Variants in NXPH1 observed in about 807,000 individuals in gnomAD.
NXPH1 encodes neurexophilin-1.
In NXPH1, 5 loss-of-function variants were observed where a neutral mutation model predicts 23.7. The observed-to-expected ratio is 0.21, with a 90% confidence interval of 0.11 to 0.44. The LOEUF (loss-of-function observed/expected upper bound fraction) is 0.44. NXPH1 is among the 20% of genes least tolerant of loss of function. The pLI is 0.99. For missense variants in NXPH1, 324 were observed against 321.6 expected (o/e 1.01, Z -0.06); for synonymous variants, 144 against 122.2 (o/e 1.18, Z -1.18).
In NXPH1 at chr7:8,676,047, T is replaced by C. The variant is rs1192825078; in HGVS notation, c.55-74961T>C. The stretch of plus-strand genomic sequence containing the variant: ...GCAAGCAGAGTCTGGATGTTTTTCT[T>C]AACAATTTAACCATAGTCAGTGCCA... On this transcript the variant is annotated intron_variant, in intron 2 of 2. Transcript: ENST00000405863. Among the ~76,000 whole-genome samples, 4 of 152,130 alleles carry C rather than the reference T, an allele frequency of 2.6e-5. No homozygotes were observed. The East Asian group carries it at 7.7e-4, about 29-fold the overall frequency.
At chr7:8,511,584 A>G (rs1817612807) in intron 2 of NXPH1, among the ~76,000 whole-genome samples, 1 of 152,092 alleles carries the variant, frequency 6.6e-6, no homozygotes, top group South Asian at 2.1e-4. Flanking sequence ...AGTAGAACAA[A>G]AGAAGAAGCT....
chr7:8,591,692 A>T (rs534336097), intron 2 of NXPH1, among the ~76,000 whole-genome samples: 1 of 152,104 alleles, frequency 6.6e-6, no homozygotes, highest in Admixed American at 6.6e-5. Context: ...AACATATAGA[A>T]GTTTTATTTC....
Position 8,469,382 on chromosome 7 carries a change from G to A in NXPH1, c.54+33615G>A, listed in dbSNP as rs75354988. ...AACACATTTTTATTGAGTATTTACC[G>A]CCAAACACTGTGCTGGATGATTTAG... On this transcript the variant is annotated intron_variant, in intron 2 of 2. Coordinates refer to ENST00000405863, the MANE Select transcript of NXPH1 (RefSeq NM_152745.3). 3.4e-4 allele frequency among the ~76,000 whole-genome samples: 52 copies of A among 151,888 alleles called. No individual in the cohort carries two copies. In the Middle Eastern group the frequency reaches 0.02, roughly 60 times the overall value.
chr7:8,662,213 CAT>C (rs1050404676), intron 2 of NXPH1, among the ~76,000 whole-genome samples: 52 of 151,066 alleles, frequency 3.4e-4, no homozygotes, highest in African/African-American at 1.1e-3. Context: ...TATACACACA[CAT>C]GTATCTCAAG....
At chr7:8,451,639 A>G (rs977259303) in intron 2 of NXPH1, among the ~76,000 whole-genome samples, 2 of 152,238 alleles carry the variant, frequency 1.3e-5, no homozygotes, top group Non-Finnish European at 2.9e-5. Context: ...CCAAGGCCAT[A>G]CAACTATGGT....
rs189281712 is a variant in NXPH1 at position 8,539,576 on chromosome 7, C to A, written c.54+103809C>A. ...TTTCACAGTGGTTGCAGAACTACAA[C>A]CCTCACATATTATGTATAAGGATGT... is the stretch of plus-strand genomic sequence containing the variant. On this transcript the variant is annotated intron_variant, in intron 2 of 2. Coordinates refer to ENST00000405863, the MANE Select transcript of NXPH1 (RefSeq NM_152745.3). 1.6e-3 allele frequency among the ~76,000 whole-genome samples: 248 copies of A among 151,828 alleles called. 1 individual carries two copies. Among genetic ancestry groups the A allele is most frequent in the Non-Finnish European group, 3.1e-3 (211 of 67,826 alleles).
chr7:8,635,913 A>G (rs1562437815), intron 2 of NXPH1, among the ~76,000 whole-genome samples: 1 of 152,182 alleles, frequency 6.6e-6, no homozygotes, highest in Non-Finnish European at 1.5e-5. Flanking sequence ...TCCTATTTAT[A>G]GAAAAAAAGT....
chr7:8,746,982 T>C (rs1403298943), intron 2 of NXPH1, among the ~76,000 whole-genome samples: 2 of 152,160 alleles, frequency 1.3e-5, no homozygotes, highest in African/African-American at 4.8e-5. Context: ...AAATATTATG[T>C]AGTGAGATTC....
At chr7:8,642,598 G>A (rs1487888605) in intron 2 of NXPH1, among the ~76,000 whole-genome samples, 3 of 151,702 alleles carry the variant, frequency 2.0e-5, no homozygotes, top group Non-Finnish European at 4.4e-5. Flanking sequence ...CATCTGTCTG[G>A]ATTTTGTTAT....
chr7:8,516,779 TCC>T (rs1283585807), intron 2 of NXPH1, among the ~76,000 whole-genome samples: 1 of 152,076 alleles, frequency 6.6e-6, no homozygotes, highest in Non-Finnish European at 1.5e-5. Flanking sequence ...TGTTACTTAT[TCC>T]CACTCAAACA....
intron 2 of NXPH1, among the ~76,000 whole-genome samples, chr7:8,468,211 A>T (rs1816815403): frequency 6.6e-6 from 1 of 152,104 alleles, no homozygotes; most frequent in Non-Finnish European, 1.5e-5. Context: ...TAAATCTAGA[A>T]CTTGGCTAGA....
intron 2 of NXPH1, among the ~76,000 whole-genome samples, chr7:8,692,066 G>A (rs1436844218): frequency 6.6e-6 from 1 of 151,882 alleles, no homozygotes; most frequent in Non-Finnish European, 1.5e-5. Flanking sequence ...CAGGTTCTAG[G>A]CACCAGAAGA....
Position 8,751,154 on chromosome 7 carries a change from G to A in NXPH1, c.201G>A (p.Glu67=), listed in dbSNP as rs753908270. Residue 67 remains glutamate (E), a synonymous_variant, in exon 3 of 3, where the codon GAG becomes GAA. Coordinates refer to ENST00000405863, the MANE Select transcript of NXPH1 (RefSeq NM_152745.3). The surrounding 1 kb of genome is among the most constrained non-coding windows in gnomAD (Gnocchi z 4.5). ...RLLSQTFRGK[E]NDTDLDLRYD... ...TGTCACAGACTTTTCGTGGCAAAGAGAATGATACAGATTTGGACCTGAGAT... is the reference window on the plus strand; with the variant it reads ...TGTCACAGACTTTTCGTGGCAAAGAAAATGATACAGATTTGGACCTGAGAT... 3.7e-6 allele frequency: 6 copies of A among 1,613,836 alleles called. No homozygotes were observed. The highest frequency in any genetic ancestry group is 4.2e-6 in the Non-Finnish European group (5 of 1,179,798).
At chr7:8,623,469 C>T (rs977500079) in intron 2 of NXPH1, among the ~76,000 whole-genome samples, 30 of 151,960 alleles carry the variant, frequency 2.0e-4, no homozygotes, top group African/African-American at 6.8e-4. Context: ...AAACTAAATA[C>T]TTGAGAGAAA....
chr7:8,640,783 C>T (rs1027944766), intron 2 of NXPH1, among the ~76,000 whole-genome samples: 31 of 151,952 alleles, frequency 2.0e-4, no homozygotes, highest in African/African-American at 7.3e-4. Context: ...ATAGGGAGAC[C>T]TCATGACTAC....
intron 2 of NXPH1, among the ~76,000 whole-genome samples, chr7:8,514,305 G>C (rs1413909538): frequency 1.3e-5 from 2 of 152,132 alleles, no homozygotes; most frequent in East Asian, 3.9e-4. Context: ...CTCTCTCTCC[G>C]ACATTTTTAA....
intron 2 of NXPH1, among the ~76,000 whole-genome samples, chr7:8,557,512 AC>A (rs201330818): frequency 0.011 from 1,609 of 151,522 alleles, 20 homozygotes; most frequent in Non-Finnish European, 0.015. Flanking sequence ...TGACCCCTCC[AC>A]TCAGGGTCTG....
intron 2 of NXPH1, among the ~76,000 whole-genome samples, chr7:8,465,990 G>C (rs1816781005): frequency 6.6e-6 from 1 of 152,152 alleles, no homozygotes; most frequent in African/African-American, 2.4e-5. Context: ...TTAGGTGGTT[G>C]GGGGAATCTT....
At chr7:8,539,529 CTTTTAAAA>C (rs1003607541) in intron 2 of NXPH1, among the ~76,000 whole-genome samples, 5 of 151,606 alleles carry the variant, frequency 3.3e-5, no homozygotes, top group African/African-American at 1.2e-4. Flanking sequence ...GAAATTTTTC[CTTTTAAAA>C]TGCTTATCAA....
Sources: gnomAD v4.1 joint callset for allele counts (sites outside exome capture counted in the v4.1 genomes callset) on GRCh38, gnomAD v4.1.1 for gene constraint, Gnocchi (gnomAD v3.1) non-coding constraint, MANE v1.5 for transcripts, NCBI Gene and HGNC (gene_info 2026-07-23, HGNC 2026-07-21) for gene names.